Variants in CACNA1C observed in about 807,000 individuals in gnomAD.
The protein encoded by CACNA1C is calcium voltage-gated channel subunit alpha1 C, also known as voltage-dependent L-type calcium channel subunit alpha-1C.
CACNA1C carries 30 observed loss-of-function variants against 229.0 expected under a neutral mutation model. That is an observed-to-expected ratio of 0.13 (90% CI 0.10 to 0.18). The LOEUF is 0.18. Among genes scored for constraint, CACNA1C ranks in the 10% least tolerant of loss-of-function variants. The pLI is 1.00. For missense variants in CACNA1C, 1,658 were observed against 2,845.0 expected (o/e 0.58, Z 9.49); for synonymous variants, 1,114 against 1,132.5 (o/e 0.98, Z 0.33).
intron 3 of CACNA1C, among the ~76,000 whole-genome samples, chr12:2,265,391 C>T (rs2081988062): frequency 6.6e-6 from 1 of 152,204 alleles, no homozygotes; most frequent in Non-Finnish European, 1.5e-5. Context: ...CTTGATGCTT[C>T]ATCCCAAGGC....
At chr12:2,273,165 T>G (rs958462073) in intron 3 of CACNA1C, among the ~76,000 whole-genome samples, 1 of 152,208 alleles carries the variant, frequency 6.6e-6, no homozygotes, top group Non-Finnish European at 1.5e-5. Context: ...AAATGCATAG[T>G]GTTTTCATAT....
intron 5 of CACNA1C, among the ~76,000 whole-genome samples, chr12:2,468,032 G>A (rs552113612): frequency 2.6e-5 from 4 of 152,298 alleles, no homozygotes; most frequent in East Asian, 3.9e-4. Flanking sequence ...AGGAGCCACC[G>A]CACCAGATAG....
At chr12:2,584,741 G>A in intron 16 of CACNA1C, 124 bp downstream of exon 16, 1 of 650,168 alleles carries the variant, frequency 1.5e-6, no homozygotes, top group Non-Finnish European at 2.7e-6. Context: ...GGAGGACTCT[G>A]GGTTTGGGGC....
intron 3 of CACNA1C, among the ~76,000 whole-genome samples, chr12:2,271,911 G>A (rs187979235): frequency 1.1e-4 from 17 of 152,288 alleles, no homozygotes; most frequent in Non-Finnish European, 2.1e-4. Context: ...ATGTTTAAGT[G>A]TGTCAAGTGC....
intron 38 of CACNA1C, chr12:2,672,211 A>G (rs1473097197): frequency 6.6e-6 from 1 of 152,258 alleles, no homozygotes; most frequent in Non-Finnish European, 1.5e-5. Flanking sequence ...AAGAGCTCTC[A>G]TCCCAAGTCC....
chr12:2,362,220 C>A (rs1377225675), intron 3 of CACNA1C, among the ~76,000 whole-genome samples: 1 of 152,086 alleles, frequency 6.6e-6, no homozygotes, highest in Non-Finnish European at 1.5e-5. Context: ...GCGTGAAGGC[C>A]ACTGGGACAT....
chr12:2,309,015 C>A (rs950769812), intron 3 of CACNA1C, among the ~76,000 whole-genome samples: 1 of 152,160 alleles, frequency 6.6e-6, no homozygotes, highest in Admixed American at 6.5e-5. Context: ...GAAATGAAAT[C>A]TGTGTTTCTA....
chr12:2,260,188 A>T (rs2079532517), intron 3 of CACNA1C, among the ~76,000 whole-genome samples: 1 of 151,990 alleles, frequency 6.6e-6, no homozygotes, highest in Admixed American at 6.6e-5. Context: ...GAAAAAAGAG[A>T]AGTATGGGCT....
intron 11 of CACNA1C, among the ~76,000 whole-genome samples, chr12:2,563,223 A>G (rs2154593038): frequency 6.6e-6 from 1 of 152,292 alleles, no homozygotes; most frequent in Non-Finnish European, 1.5e-5. Flanking sequence ...ATTCTTTTTT[A>G]TAGCTGAACA....
At chr12:2,073,541 G>A (rs1009979604) in intron 1 of CACNA1C, among the ~76,000 whole-genome samples, 2 of 152,258 alleles carry the variant, frequency 1.3e-5, no homozygotes, top group South Asian at 2.1e-4. Flanking sequence ...GACAGCACAG[G>A]TGGGAGGAGA....
At chr12:2,516,381 A>T (rs1342629972) in intron 9 of CACNA1C, among the ~76,000 whole-genome samples, 2 of 152,190 alleles carry the variant, frequency 1.3e-5, no homozygotes, top group African/African-American at 4.8e-5. Context: ...AGTGAACCAA[A>T]GAGCCTCTGG....
At chr12:2,196,903 G>T (rs1232588319) in intron 3 of CACNA1C, among the ~76,000 whole-genome samples, 1 of 152,202 alleles carries the variant, frequency 6.6e-6, no homozygotes, top group Admixed American at 6.5e-5. Flanking sequence ...CAGACCAAGG[G>T]TCCAGAGTTG....
intron 3 of CACNA1C, among the ~76,000 whole-genome samples, chr12:2,237,969 G>A (rs941819569): frequency 6.6e-6 from 1 of 152,214 alleles, no homozygotes; most frequent in Non-Finnish European, 1.5e-5. Context: ...ATAGGTTTTA[G>A]TATTGAAGAC....
rs1387347376 is a variant in CACNA1C, at chr12:2,369,605, T to C, written c.478-79371T>C. ...TTTTAGTAGAGTCAGGGTTTCACCA[T>C]GTTGGCCAGGCTGGTCTTGAACTCC... On this transcript the variant is annotated intron_variant, in intron 3 of 46. Transcript: ENST00000399655. 2.0e-5 allele frequency among the ~76,000 whole-genome samples: 3 copies of C among 152,234 alleles called. No homozygotes were observed. In the Middle Eastern group the frequency reaches 0.01, roughly 518 times the overall value.
chr12:2,062,773 T>TCCG (rs2057961867), intron 1 of CACNA1C, among the ~76,000 whole-genome samples: 1 of 152,136 alleles, frequency 6.6e-6, no homozygotes, highest in South Asian at 2.1e-4. Context: ...TGGCATGGCC[T>TCCG]TGCTTCACCA....
intron 29 of CACNA1C, among the ~76,000 whole-genome samples, chr12:2,628,726 G>A (rs971390561): frequency 2.9e-5 from 4 of 137,898 alleles, no homozygotes; most frequent in Non-Finnish European, 6.2e-5. Flanking sequence ...GGGCAACATA[G>A]CAAGACCTCA....
chr12:2,261,328 CAGA>C (rs1309444328), intron 3 of CACNA1C, among the ~76,000 whole-genome samples: 1 of 151,818 alleles, frequency 6.6e-6, no homozygotes, highest in Non-Finnish European at 1.5e-5. Flanking sequence ...AACAAAAAAA[CAGA>C]AGAGTGACAT....
rs974422960 is a variant in CACNA1C at position 2,067,789 on chromosome 12, A to C, written c.49+14178A>C. ...GAGGAGTGATGGGGCAATCAAGACC[A>C]CAAGTGCCAACCTCAGCGCACTCAC... On this transcript the variant is annotated intron_variant, in intron 1 of 46. Coordinates refer to ENST00000399655, the MANE Select transcript of CACNA1C (RefSeq NM_000719.7). The surrounding 1 kb of genome is among the most constrained non-coding windows in gnomAD (Gnocchi z 5.3). 6.6e-6 allele frequency among the ~76,000 whole-genome samples: 1 copy of C among 152,134 alleles called. No homozygotes were observed. The highest frequency in any genetic ancestry group is 1.5e-5 in the Non-Finnish European group (1 of 68,022).
chr12:2,036,012 G>T (rs915188281), intron 1 of CACNA1C, among the ~76,000 whole-genome samples: 1 of 152,166 alleles, frequency 6.6e-6, no homozygotes, highest in African/African-American at 2.4e-5. Flanking sequence ...GTTATCTCTT[G>T]TAACACCTTC....
Sources: allele counts gnomAD v4.1 joint callset (sites outside exome capture counted in the v4.1 genomes callset), GRCh38; gene constraint gnomAD v4.1.1; non-coding constraint Gnocchi (gnomAD v3.1); transcripts MANE v1.5; gene names NCBI Gene and HGNC (gene_info 2026-07-23, HGNC 2026-07-21).